IL1A: variants seen among roughly 807,000 people sequenced by gnomAD.
IL1A encodes interleukin 1 alpha, also known as interleukin-1 alpha.
IL1A carries 16 observed loss-of-function variants against 22.2 expected under a neutral mutation model. That is an observed-to-expected ratio of 0.72 (90% CI 0.49 to 1.09). The LOEUF is 1.09. IL1A is among the 50% of genes least tolerant of loss of function. The pLI is 0.00. For synonymous variants in IL1A, 113 were observed against 118.5 expected (o/e 0.95, Z 0.30); for missense variants, 317 against 321.8 (o/e 0.99, Z 0.11).
At chr2:112,776,292 C>T (rs569463184) in intron 6 of IL1A, among the ~76,000 whole-genome samples, 7 of 152,328 alleles carry the variant, frequency 4.6e-5, no homozygotes, top group Non-Finnish European at 1.5e-5. Flanking sequence ...AATGCAAGCT[C>T]TGCAAGCACT....
chr2:112,778,206 G>GTA, intron 5 of IL1A, 95 bp from the exon 6 acceptor site: 1 of 852,060 alleles, frequency 1.2e-6, no homozygotes, highest in Admixed American at 2.4e-5. Flanking sequence ...GTGTGTGTGT[G>GTA]TGTGTGTGTG....
Position 112,774,344 on chromosome 2 carries a change from C to T in IL1A, c.*723G>A, listed in dbSNP as rs1226826020. On this transcript the variant is annotated 3_prime_UTR_variant, in exon 7 of 7. Coordinates refer to ENST00000263339, the MANE Select transcript of IL1A (RefSeq NM_000575.5). Reference sequence around the variant, plus strand: ...TCAAACTTACTTATCCCAGAAAACACTGTCTGCTATTGTGGAGGATGCCTG... The same window carrying T: ...TCAAACTTACTTATCCCAGAAAACATTGTCTGCTATTGTGGAGGATGCCTG... The T allele has an allele frequency of 1.3e-5, 2 of 151,866 alleles. No homozygotes were observed. Among genetic ancestry groups the T allele is most frequent in the Admixed American group, 6.6e-5 (1 of 15,244 alleles). 9.4% of individuals were successfully genotyped at this position (151,866 alleles called of 1,614,324 possible).
Position 112,773,966 on chromosome 2 carries a change from A to G in IL1A, c.*1101T>C, listed in dbSNP as rs1191272726. 2.6e-5 allele frequency: 4 copies of G among 152,234 alleles called. No individual in the cohort carries two copies. Among genetic ancestry groups the G allele is most frequent in the African/African-American group, 9.6e-5 (4 of 41,466 alleles). The allele number at this position is 152,234 out of a possible 1,614,324, so 9.4% of individuals were successfully genotyped here. A position where few individuals can be genotyped will look rare whatever the true frequency, so the allele number is the denominator to read the frequency against. Reference sequence around the variant, plus strand: ...ATTTAGTTATGACTGATAACACTCTATCAATCACTATTGTTGATAATAATG... The same window carrying G: ...ATTTAGTTATGACTGATAACACTCTGTCAATCACTATTGTTGATAATAATG... On this transcript the variant is annotated 3_prime_UTR_variant, in exon 7 of 7. Coordinates refer to ENST00000263339, the MANE Select transcript of IL1A (RefSeq NM_000575.5).
At chr2:112,777,892 A>G in intron 6 of IL1A, 95 bp downstream of exon 6, 1 of 1,285,756 alleles carries the variant, frequency 7.8e-7, no homozygotes, top group South Asian at 1.3e-5. Flanking sequence ...AGGAAAGAGG[A>G]CAGTGTCACC....
chr2:112,780,161 T>C (rs1384372945), intron 4 of IL1A, among the ~76,000 whole-genome samples: 3 of 152,202 alleles, frequency 2.0e-5, no homozygotes, highest in Non-Finnish European at 4.4e-5. Context: ...GAGAAATGAA[T>C]ATTTATTTAT....
chr2:112,781,732 T>C lies in IL1A; in HGVS notation c.191A>G (p.Lys64Arg). 1.9e-6 allele frequency: 3 copies of C among 1,614,038 alleles called. No homozygotes were observed. The highest frequency in any genetic ancestry group is 2.5e-6 in the Non-Finnish European group (3 of 1,179,904). Residue 64 changes from lysine to arginine, a missense_variant, in exon 4 of 7, where the codon AAG (lysine) becomes AGG (arginine). Physicochemically the swap from Lys to Arg is conservative, Grantham distance 26. Coordinates refer to ENST00000263339, the MANE Select transcript of IL1A (RefSeq NM_000575.5). ...CACCATGCTCTCCTTGAAGGTAAGC[T>C]TGGATGTTTTAGAGGTTTCAGAGAT... Reference protein sequence around the residue: ...LSISETSKTSKLTFKESMVVV... With the variant: ...LSISETSKTSRLTFKESMVVV...
At chr2:112,779,426 T>C (rs1380758088) in intron 5 of IL1A, 70 bp downstream of exon 5, 3 of 1,281,380 alleles carry the variant, frequency 2.3e-6, no homozygotes, top group South Asian at 1.6e-5. Context: ...AGCAGAAAGA[T>C]TGAAATAAAT....
At chr2:112,776,147 T>C (rs1482005750) in intron 6 of IL1A, among the ~76,000 whole-genome samples, 1 of 152,168 alleles carries the variant, frequency 6.6e-6, no homozygotes, top group Non-Finnish European at 1.5e-5. Context: ...CTGTGAAACC[T>C]CCTCATTGGA....
In IL1A at chr2:112,779,854, G is replaced by C. The variant is rs75512297; in HGVS notation, c.320-188C>G. Among the ~76,000 whole-genome samples the C allele has an allele frequency of 3.6e-3, 551 of 152,234 alleles. 3 individuals are homozygous for C. Among genetic ancestry groups the C allele is most frequent in the African/African-American group, 0.013 (529 of 41,526 alleles). The stretch of plus-strand genomic sequence containing the variant: ...GTTTTCTAGGATTATCCTTGTTGTT[G>C]CTTATGTGCTTCTTTTTAAACTTCA... On this transcript the variant is annotated intron_variant, in intron 4 of 6. Coordinates refer to ENST00000263339, the MANE Select transcript of IL1A (RefSeq NM_000575.5).
At position 112,775,113 on chromosome 2, in the gene IL1A, C is replaced by G; in HGVS notation, c.770G>C (p.Gly257Ala). ...KQDYWVCLAG[G>A]PPSITDFQIL... ...CTGAAAGTCAGTGATAGAGGGTGGC[C>G]CCCCTGCCAAGCACACCCAGTAGTC... The change falls in exon 7 of 7, where the codon GGG becomes GCG. Residue 257 changes from glycine (G) to alanine (A), a missense_variant. By Grantham distance (60) the Gly-to-Ala change is moderately conservative. Coordinates refer to ENST00000263339, the MANE Select transcript of IL1A (RefSeq NM_000575.5). 6.2e-7 allele frequency: 1 copy of G among 1,614,130 alleles called. No homozygotes were observed. The highest frequency in any genetic ancestry group is 8.5e-7 in the Non-Finnish European group (1 of 1,180,008).
chr2:112,777,841 A>G, intron 6 of IL1A, 146 bp downstream of exon 6: 1 of 735,246 alleles, frequency 1.4e-6, no homozygotes, highest in Non-Finnish European at 2.3e-6. Flanking sequence ...CGCCTCTGGA[A>G]TCAATGGGAG....
chr2:112,778,209 TG>T (rs1681134689), intron 5 of IL1A, 98 bp from the exon 6 acceptor site: 1 of 876,126 alleles, frequency 1.1e-6, no homozygotes, highest in Admixed American at 2.4e-5. Context: ...TGTGTGTGTG[TG>T]TGTGTGTGTG....
chr2:112,783,753 G>A lies in IL1A; in HGVS notation c.18C>T (p.Asp6=), dbSNP rs1159243954. ...AACAGTTCTTCAGGTCTTCAAACAT[G>A]TCTGGAACTTTGGCCATCTTGACTT... MAKVP[D]MFEDLKNCYS... The change falls in exon 2 of 7, where the codon GAC becomes GAT. Residue 6 remains aspartate (D), a synonymous_variant. Coordinates refer to ENST00000263339, the MANE Select transcript of IL1A (RefSeq NM_000575.5). 1.2e-6 allele frequency: 2 copies of A among 1,613,954 alleles called. No homozygotes were observed. The highest frequency in any genetic ancestry group is 2.2e-5 in the South Asian group (2 of 91,076).
In IL1A at chr2:112,784,463, A is replaced by G. The variant is rs938160834; in HGVS notation, c.-29T>C. On this transcript the variant is annotated 5_prime_UTR_variant, in exon 1 of 7. Transcript: ENST00000263339. ...AATACCTTTGCTGACTCAAACGCCA[A>G]TGAAATGACTCCCTCTCTGGCTGGC... The G allele has an allele frequency of 6.6e-6, 1 of 152,264 alleles. No individual in the cohort carries two copies. The highest frequency in any genetic ancestry group is 2.4e-5 in the African/African-American group (1 of 41,476). 9.4% of individuals were successfully genotyped at this position (152,264 alleles called of 1,614,324 possible). A position where few individuals can be genotyped will look rare whatever the true frequency, so the allele number is the denominator to read the frequency against.
intron 4 of IL1A, 116 bp from the exon 5 acceptor site, chr2:112,779,782 C>T (rs1681164719): frequency 3.4e-6 from 2 of 587,462 alleles, no homozygotes; most frequent in Admixed American, 3.5e-5. Context: ...TATTCCAATC[C>T]AGATGAGGAA....
At chr2:112,777,472 A>T (rs1681119099) in intron 6 of IL1A, among the ~76,000 whole-genome samples, 1 of 152,122 alleles carries the variant, frequency 6.6e-6, no homozygotes, top group Non-Finnish European at 1.5e-5. Flanking sequence ...TGAGGGGGAA[A>T]GTGGTAGTGG....
At chr2:112,784,225 TCTG>T (rs1291972450) in intron 1 of IL1A, among the ~76,000 whole-genome samples, 3 of 152,230 alleles carry the variant, frequency 2.0e-5, no homozygotes, top group Non-Finnish European at 4.4e-5. Context: ...GGAAACTAGT[TCTG>T]CTGTCCCTCA....
At position 112,781,626 on chromosome 2, in the gene IL1A, G is replaced by A; in HGVS notation, c.297C>T (p.Ala99=). 1 of 1,614,052 alleles carries A rather than the reference G, an allele frequency of 6.2e-7. No homozygotes were observed. Among genetic ancestry groups the A allele is most frequent in the Non-Finnish European group, 8.5e-7 (1 of 1,179,886 alleles). ...TACCTTCCTCTGAGTCATTGGCGAT[G>A]GCCTCCAGGTCATCATCAGTGATGG... ...SQSITDDDLE[A]IANDSEEEII... Residue 99 remains alanine, a synonymous_variant, in exon 4 of 7, where the codon GCC becomes GCT. Transcript: ENST00000263339.
At chr2:112,778,439 A>G (rs1042139115) in intron 5 of IL1A, among the ~76,000 whole-genome samples, 3 of 152,188 alleles carry the variant, frequency 2.0e-5, no homozygotes, top group Non-Finnish European at 4.4e-5. Flanking sequence ...AGACCCTGTA[A>G]TTTGTTAGAT....
Sources: gnomAD v4.1 joint callset for allele counts (sites outside exome capture counted in the v4.1 genomes callset) on GRCh38, gnomAD v4.1.1 for gene constraint, MANE v1.5 for transcripts, NCBI Gene and HGNC (gene_info 2026-07-23, HGNC 2026-07-21) for gene names.